Variants in FCHSD2 observed in about 807,000 individuals in gnomAD.
FCHSD2 encodes the protein F-BAR and double SH3 domains protein 2.
A neutral mutation model predicts 108.1 loss-of-function variants in FCHSD2; 38 were observed. The observed-to-expected ratio is 0.35, with a 90% CI of 0.27 to 0.46. The LOEUF (loss-of-function observed/expected upper bound fraction) is 0.46. Among genes scored for constraint, FCHSD2 ranks in the 20% least tolerant of loss-of-function variants. The probability of loss-of-function intolerance (pLI) is 1.00; values close to 1 mark genes in which losing one functional copy is unlikely to be tolerated. For missense variants in FCHSD2, 751 were observed against 897.8 expected (o/e 0.84, Z 2.09); for synonymous variants, 279 against 314.7 (o/e 0.89, Z 1.20).
At chr11:73,131,905 A>T (rs1018429285) in intron 2 of FCHSD2, among the ~76,000 whole-genome samples, 1 of 152,206 alleles carries the variant, frequency 6.6e-6, no homozygotes, top group Non-Finnish European at 1.5e-5. Context: ...AAGATAAATG[A>T]AATAAACTGG....
At chr11:73,140,394 C>T (rs1428632517) in intron 1 of FCHSD2, among the ~76,000 whole-genome samples, 1 of 152,082 alleles carries the variant, frequency 6.6e-6, no homozygotes, top group Non-Finnish European at 1.5e-5. Context: ...CCAGTCATTC[C>T]ATTTCATGCA....
intron 8 of FCHSD2, among the ~76,000 whole-genome samples, chr11:72,956,532 A>T (rs1202982972): frequency 6.6e-6 from 1 of 152,220 alleles, no homozygotes; most frequent in Non-Finnish European, 1.5e-5. Context: ...AACAGCATTA[A>T]TTTCTCTTAC....
At chr11:72,990,332 T>C (rs1420075757) in intron 5 of FCHSD2, among the ~76,000 whole-genome samples, 1 of 152,168 alleles carries the variant, frequency 6.6e-6, no homozygotes, top group Non-Finnish European at 1.5e-5. Flanking sequence ...ACTGCATCAA[T>C]TTGGGATAAA....
chr11:72,900,220 TCCCA>T, intron 10 of FCHSD2: 7 of 886,380 alleles, frequency 7.9e-6, no homozygotes, highest in African/African-American at 1.7e-5. Flanking sequence ...AACCCACACT[TCCCA>T]TCCCTCCCGC....
At chr11:73,136,175 AAAAG>A (rs1246505395) in intron 2 of FCHSD2, among the ~76,000 whole-genome samples, 2 of 151,626 alleles carry the variant, frequency 1.3e-5, no homozygotes, top group Non-Finnish European at 2.9e-5. Flanking sequence ...GAAAAAAAAA[AAAAG>A]AAAGAAAAAA....
At chr11:73,044,493 C>T (rs1171388923) in intron 3 of FCHSD2, among the ~76,000 whole-genome samples, 2 of 152,130 alleles carry the variant, frequency 1.3e-5, no homozygotes, top group African/African-American at 2.4e-5. Context: ...AGTGAGATCA[C>T]TTGTGCCCAG....
chr11:72,960,925 G>A (rs1460008294), intron 8 of FCHSD2, among the ~76,000 whole-genome samples: 1 of 151,970 alleles, frequency 6.6e-6, no homozygotes, highest in African/African-American at 2.4e-5. Context: ...AGGGAAAGAG[G>A]CACACATACC....
At chr11:72,865,495 G>A (rs2135199152) in intron 13 of FCHSD2, among the ~76,000 whole-genome samples, 1 of 152,234 alleles carries the variant, frequency 6.6e-6, no homozygotes, top group East Asian at 1.9e-4. Context: ...GTCTCTAGAG[G>A]AGTGATTTCT....
chr11:72,843,892 C>T (rs1861044039), intron 14 of FCHSD2, among the ~76,000 whole-genome samples: 1 of 151,570 alleles, frequency 6.6e-6, no homozygotes, highest in Non-Finnish European at 1.5e-5. Flanking sequence ...CCTGTAGTCC[C>T]AACTACTTGG....
intron 4 of FCHSD2, among the ~76,000 whole-genome samples, chr11:73,011,939 G>A (rs934570181): frequency 1.3e-5 from 2 of 152,018 alleles, no homozygotes; most frequent in African/African-American, 4.8e-5. Context: ...GGTACGAAGT[G>A]CCCCTAGTCA....
intron 2 of FCHSD2, among the ~76,000 whole-genome samples, chr11:73,113,784 C>G (rs1257367965): frequency 1.3e-5 from 2 of 152,166 alleles, no homozygotes; most frequent in African/African-American, 4.8e-5. Context: ...GTAATCTAAG[C>G]CACATCTGCA....
rs151076964 is a variant in FCHSD2, at chr11:72,838,634, G to A, written c.*157C>T. 526 of 609,954 alleles carry A rather than the reference G, an allele frequency of 8.6e-4. 1 individual carries two copies. The highest frequency in any genetic ancestry group is 4.4e-3 in the Middle Eastern group (10 of 2,262). The allele number at this position is 609,954 out of a possible 1,614,324, so 37.8% of individuals were successfully genotyped here. A position where few individuals can be genotyped will look rare whatever the true frequency, so the allele number is the denominator to read the frequency against. ...AAAAAAGGCACGAAATATTCAAAACGTGGGAGGAGTCTACCAGGCCACCCA... is the reference window on the plus strand; with the variant it reads ...AAAAAAGGCACGAAATATTCAAAACATGGGAGGAGTCTACCAGGCCACCCA... On this transcript the variant is annotated 3_prime_UTR_variant, in exon 20 of 20. Coordinates refer to ENST00000409418, the MANE Select transcript of FCHSD2 (RefSeq NM_014824.3).
At chr11:72,880,896 C>T (rs1855071167) in intron 12 of FCHSD2, among the ~76,000 whole-genome samples, 1 of 148,460 alleles carries the variant, frequency 6.7e-6, no homozygotes, top group African/African-American at 2.5e-5. Context: ...ACAACAACAA[C>T]AACAACAAAC....
chr11:73,040,173 G>C (rs564211100), intron 3 of FCHSD2, among the ~76,000 whole-genome samples: 1 of 152,274 alleles, frequency 6.6e-6, no homozygotes, highest in East Asian at 1.9e-4. Context: ...CCAGTCTGCA[G>C]CTCTGTGTCA....
At chr11:73,082,702 T>G (rs1379123092) in intron 3 of FCHSD2, among the ~76,000 whole-genome samples, 1 of 152,150 alleles carries the variant, frequency 6.6e-6, no homozygotes, top group Non-Finnish European at 1.5e-5. Flanking sequence ...AATTTTTCCT[T>G]CTAACAATCT....
chr11:73,041,523 T>C (rs915704528), intron 3 of FCHSD2, among the ~76,000 whole-genome samples: 5 of 152,226 alleles, frequency 3.3e-5, no homozygotes, highest in Non-Finnish European at 7.3e-5. Context: ...GCCATGTATA[T>C]GTCTTTTTTT....
At chr11:72,944,725 C>G (rs1411849886) in intron 8 of FCHSD2, among the ~76,000 whole-genome samples, 1 of 152,028 alleles carries the variant, frequency 6.6e-6, no homozygotes, top group African/African-American at 2.4e-5. Context: ...AATCGATGTG[C>G]AAAAATCACA....
At chr11:73,067,385 C>T (rs550663559) in intron 3 of FCHSD2, among the ~76,000 whole-genome samples, 24 of 151,824 alleles carry the variant, frequency 1.6e-4, no homozygotes, top group African/African-American at 5.3e-4. Flanking sequence ...ACATAGGTGA[C>T]GGGTTGTTGG....
At chr11:72,863,223 G>A (rs1197332129) in intron 13 of FCHSD2, among the ~76,000 whole-genome samples, 1 of 151,848 alleles carries the variant, frequency 6.6e-6, no homozygotes, top group Non-Finnish European at 1.5e-5. Flanking sequence ...CACTGTGGCA[G>A]GCCTGAATAA....
Sources: allele counts gnomAD v4.1 joint callset (sites outside exome capture counted in the v4.1 genomes callset), GRCh38; gene constraint gnomAD v4.1.1; transcripts MANE v1.5; gene names NCBI Gene and HGNC (gene_info 2026-07-23, HGNC 2026-07-21).